The following SIK3 variants were observed in gnomAD, a reference collection of about 807,000 sequenced individuals.
The protein encoded by SIK3 is SIK family kinase 3.
A neutral mutation model predicts 144.2 loss-of-function variants in SIK3; 28 were observed. The ratio of observed to expected loss-of-function variants is 0.19; its 90% CI spans 0.14 to 0.27. The LOEUF (loss-of-function observed/expected upper bound fraction) is 0.27. Among genes scored for constraint, SIK3 ranks in the 10% least tolerant of loss-of-function variants. The pLI, the probability that SIK3 is intolerant of heterozygous loss-of-function variation, is 1.00. For missense variants in SIK3, 1,319 were observed against 1,776.0 expected (o/e 0.74, Z 4.62); for synonymous variants, 686 against 676.3 (o/e 1.01, Z -0.22).
intron 23 of SIK3, among the ~76,000 whole-genome samples, 174 bp downstream of exon 23, chr11:116,847,302 C>T (rs942340444): frequency 3.3e-5 from 5 of 152,224 alleles, no homozygotes; most frequent in African/African-American, 1.2e-4. Context: ...ACCTCCTTTA[C>T]ACACCCACAC....
intron 1 of SIK3, among the ~76,000 whole-genome samples, chr11:117,084,575 G>T (rs1379787273): frequency 6.6e-6 from 1 of 151,866 alleles, no homozygotes; most frequent in African/African-American, 2.4e-5. Flanking sequence ...CCAGCCTCCC[G>T]TTATTAAGTT....
chr11:116,890,161 G>A (rs983289453), intron 6 of SIK3, among the ~76,000 whole-genome samples: 4 of 152,202 alleles, frequency 2.6e-5, no homozygotes, highest in Non-Finnish European at 4.4e-5. Flanking sequence ...GGTGATAGGA[G>A]GTGAGGAGAC....
intron 1 of SIK3, among the ~76,000 whole-genome samples, chr11:116,999,233 G>A (rs1950770745): frequency 6.6e-6 from 1 of 152,162 alleles, no homozygotes. Flanking sequence ...TTTCTTATCA[G>A]TTGATATACT....
chr11:116,941,138 T>C (rs1416113960), intron 3 of SIK3, among the ~76,000 whole-genome samples: 1 of 151,966 alleles, frequency 6.6e-6, no homozygotes, highest in African/African-American at 2.4e-5. Context: ...TCCCAAGTAG[T>C]TGGGACCACA....
At chr11:116,975,992 G>A (rs921778329) in intron 1 of SIK3, among the ~76,000 whole-genome samples, 5 of 152,086 alleles carry the variant, frequency 3.3e-5, no homozygotes, top group Admixed American at 3.3e-4. Context: ...CCATGTGTTT[G>A]TGGACTAACT....
At chr11:117,089,425 C>A (rs1243909459) in intron 1 of SIK3, among the ~76,000 whole-genome samples, 2 of 148,600 alleles carry the variant, frequency 1.3e-5, no homozygotes, top group Non-Finnish European at 3.0e-5. Flanking sequence ...AAAAAAAAGA[C>A]TAAGAAACTG....
At chr11:116,910,246 T>TA (rs1335486453) in intron 4 of SIK3, among the ~76,000 whole-genome samples, 2 of 151,674 alleles carry the variant, frequency 1.3e-5, no homozygotes, top group Admixed American at 1.3e-4. Flanking sequence ...CGAAGAACAC[T>TA]AAAAAAAATT....
rs536170340 is a variant in SIK3, at chr11:117,028,346, T to C, written c.273+69797A>G. On this transcript the variant is annotated intron_variant, in intron 1 of 24. Coordinates refer to ENST00000445177, the MANE Select transcript of SIK3 (RefSeq NM_001366686.3). ...TAAACACCTACTACATGCCAGATGC[T>C]AATCTCAAGCCCTCAGGAAACAATT... is the stretch of plus-strand genomic sequence containing the variant. 1.9e-4 allele frequency among the ~76,000 whole-genome samples: 29 copies of C among 152,294 alleles called. 1 individual carries two copies. Among genetic ancestry groups the C allele is most frequent in the African/African-American group, 7.0e-4 (29 of 41,562 alleles).
chr11:117,065,479 G>A (rs1242281104), intron 1 of SIK3, among the ~76,000 whole-genome samples: 2 of 151,794 alleles, frequency 1.3e-5, no homozygotes, highest in African/African-American at 2.4e-5. Context: ...CCATGAAAAC[G>A]AATGTTAAAC....
chr11:117,056,532 TATAG>T (rs1183493885), intron 1 of SIK3, among the ~76,000 whole-genome samples: 22 of 139,476 alleles, frequency 1.6e-4, no homozygotes, highest in Admixed American at 5.3e-4. Flanking sequence ...AATAAAAATA[TATAG>T]ATAGATATAG....
At chr11:117,082,927 T>C (rs970563008) in intron 1 of SIK3, among the ~76,000 whole-genome samples, 2 of 152,066 alleles carry the variant, frequency 1.3e-5, no homozygotes, top group African/African-American at 4.8e-5. Context: ...CTACAGATTG[T>C]CGCAAGCAAC....
chr11:116,992,705 G>A (rs1248636881), intron 1 of SIK3, among the ~76,000 whole-genome samples: 1 of 152,204 alleles, frequency 6.6e-6, no homozygotes, highest in Non-Finnish European at 1.5e-5. Flanking sequence ...CACTAGGTCA[G>A]GAGCAGTAGC....
Position 116,875,204 on chromosome 11 carries a change from G to T in SIK3, c.1381C>A (p.Arg461Ser). ...GEEPSPEALV[R>S]YLSMRRHTVG... ...GTGTGCCTCCTCATTGACAAATAGC[G>T]CACCAATGCTTCAGGGGAAGGCTCT... The change falls in exon 11 of 25, where the codon CGC becomes AGC. Residue 461 changes from arginine to serine, a missense_variant. This residue lies in a region of SIK3 where 167 missense variants were observed against 263.3 expected (regional missense o/e 0.63). Coordinates refer to ENST00000445177, the MANE Select transcript of SIK3 (RefSeq NM_001366686.3). The T allele has an allele frequency of 6.2e-7, 1 of 1,614,144 alleles. No individual in the cohort carries two copies. Among genetic ancestry groups the T allele is most frequent in the Non-Finnish European group, 8.5e-7 (1 of 1,180,028 alleles).
At chr11:116,897,857 T>TG (rs1372254983) in intron 4 of SIK3, among the ~76,000 whole-genome samples, 1 of 151,264 alleles carries the variant, frequency 6.6e-6, no homozygotes, top group Non-Finnish European at 1.5e-5. Context: ...CACTCCAGCC[T>TG]GGGCGACAGA....
At chr11:117,082,016 A>G (rs1156812887) in intron 1 of SIK3, among the ~76,000 whole-genome samples, 1 of 152,240 alleles carries the variant, frequency 6.6e-6, no homozygotes, top group Non-Finnish European at 1.5e-5. Flanking sequence ...TATACAAATG[A>G]TCAACTGGCA....
intron 1 of SIK3, among the ~76,000 whole-genome samples, chr11:116,991,621 ACTGAT>A (rs1950503807): frequency 6.6e-6 from 1 of 152,220 alleles, no homozygotes; most frequent in Admixed American, 6.5e-5. Flanking sequence ...CTCTCAAAAT[ACTGAT>A]CTGATCTAAA....
intron 1 of SIK3, among the ~76,000 whole-genome samples, chr11:117,003,174 C>A (rs914702060): frequency 6.6e-6 from 1 of 152,214 alleles, no homozygotes; most frequent in Non-Finnish European, 1.5e-5. Context: ...TCTCTTGCAA[C>A]GAATGATAAG....
At chr11:116,929,413 T>C (rs1273783563) in intron 3 of SIK3, among the ~76,000 whole-genome samples, 1 of 152,196 alleles carries the variant, frequency 6.6e-6, no homozygotes, top group East Asian at 1.9e-4. Flanking sequence ...CCAGAACACA[T>C]CAAAGTGCTT....
At chr11:117,024,568 T>A (rs796983903) in intron 1 of SIK3, among the ~76,000 whole-genome samples, 26 of 152,226 alleles carry the variant, frequency 1.7e-4, no homozygotes, top group African/African-American at 6.3e-4. Flanking sequence ...AAAGTTAAGG[T>A]TGCAATATTT....
Sources: gnomAD v4.1 joint callset for allele counts (sites outside exome capture counted in the v4.1 genomes callset) on GRCh38, gnomAD v4.1.1 for gene constraint, gnomAD v4.1.1 regional missense constraint, MANE v1.5 for transcripts, NCBI Gene and HGNC (gene_info 2026-07-23, HGNC 2026-07-21) for gene names.